Variants in AVEN observed in about 807,000 individuals in gnomAD.
AVEN encodes the protein apoptosis and caspase activation inhibitor, also known as cell death regulator Aven.
Under a neutral mutation model 38.1 loss-of-function variants are expected in AVEN, and 41 were observed. The ratio of observed to expected loss-of-function variants is 1.08; its 90% CI spans 0.84 to 1.40. The LOEUF (loss-of-function observed/expected upper bound fraction) is 1.40. Among genes scored for constraint, AVEN ranks in the 40% most tolerant of loss-of-function variants. The pLI, the probability that AVEN is intolerant of heterozygous loss-of-function variation, is 0.00. For missense variants in AVEN, 605 were observed against 438.8 expected (o/e 1.38, Z -3.38); for synonymous variants, 206 against 171.8 (o/e 1.20, Z -1.56).
At chr15:33,873,094 C>CTTTTTTTTTTTT (rs34223352) in intron 3 of AVEN, among the ~76,000 whole-genome samples, 7 of 85,102 alleles carry the variant, frequency 8.2e-5, no homozygotes, top group Admixed American at 1.6e-4. Flanking sequence ...TTTTCCTTTT[C>CTTTTTTTTTTTT]TTTTTTTTTT....
At chr15:33,956,433 G>T (rs759833015) in intron 2 of AVEN, among the ~76,000 whole-genome samples, 1 of 152,146 alleles carries the variant, frequency 6.6e-6, no homozygotes, top group African/African-American at 2.4e-5. Flanking sequence ...TCTCTCCTAT[G>T]AGTGCATTGA....
intron 5 of AVEN, among the ~76,000 whole-genome samples, chr15:34,057,284 A>G (rs953140884): frequency 4.7e-5 from 7 of 147,396 alleles, no homozygotes; most frequent in Non-Finnish European, 5.9e-5. Flanking sequence ...ATATAGGCAC[A>G]TGCCACCACG....
At chr15:34,038,481 C>T (rs1475758680) in intron 1 of AVEN, among the ~76,000 whole-genome samples, 1 of 152,194 alleles carries the variant, frequency 6.6e-6, no homozygotes, top group African/African-American at 2.4e-5. Context: ...GCAGCCCTGA[C>T]ACACGGCCTT....
chr15:33,861,480 CTTTTTT>C (rs34330524), downstream of AVEN, among the ~76,000 whole-genome samples: 3 of 148,060 alleles, frequency 2.0e-5, no homozygotes, highest in African/African-American at 7.4e-5. Flanking sequence ...TATAAATATG[CTTTTTT>C]TTTTTTAATC....
intron 2 of AVEN, among the ~76,000 whole-genome samples, chr15:33,920,991 G>A (rs891566651): frequency 2.6e-5 from 4 of 152,156 alleles, no homozygotes; most frequent in African/African-American, 9.7e-5. Context: ...GCCCAGGCTA[G>A]TTTGGAACAC....
intron 2 of AVEN, among the ~76,000 whole-genome samples, chr15:33,968,518 C>A (rs908324817): frequency 1.3e-5 from 2 of 152,068 alleles, no homozygotes; most frequent in African/African-American, 2.4e-5. Flanking sequence ...GTACGCTCAC[C>A]GTCCAGAGAC....
intron 5 of AVEN, among the ~76,000 whole-genome samples, chr15:34,053,023 G>C (rs1899985245): frequency 6.6e-6 from 1 of 151,982 alleles, no homozygotes; most frequent in Non-Finnish European, 1.5e-5. Context: ...AACCAGGCCA[G>C]GTGCAGTGGC....
intron 2 of AVEN, among the ~76,000 whole-genome samples, chr15:33,946,108 T>C (rs1894501021): frequency 6.6e-6 from 1 of 152,154 alleles, no homozygotes; most frequent in Admixed American, 6.5e-5. Flanking sequence ...AGGGCCCAGC[T>C]TCTGGTTAAA....
intron 2 of AVEN, 48 bp downstream of exon 2, chr15:34,002,984 T>C (rs760876676): frequency 6.8e-7 from 1 of 1,469,058 alleles, no homozygotes; most frequent in African/African-American, 1.4e-5. Flanking sequence ...AAAATGTCTG[T>C]GCAACTTTCA....
At chr15:33,942,513 C>T (rs901220545) in intron 2 of AVEN, among the ~76,000 whole-genome samples, 7 of 151,662 alleles carry the variant, frequency 4.6e-5, no homozygotes, top group South Asian at 4.2e-4. Flanking sequence ...TGCAGTGGTG[C>T]GATCTCTGCT....
At chr15:33,874,019 C>T in intron 3 of AVEN, among the ~76,000 whole-genome samples, 1 of 152,054 alleles carries the variant, frequency 6.6e-6, no homozygotes, top group East Asian at 1.9e-4. Context: ...TGCCTCTAAC[C>T]TCTCATCTCA....
intron 1 of AVEN, among the ~76,000 whole-genome samples, chr15:34,004,445 T>G (rs1897255113): frequency 6.6e-6 from 1 of 152,210 alleles, no homozygotes; most frequent in South Asian, 2.1e-4. Flanking sequence ...TCAGTTGTAA[T>G]GTAGGGAACT....
chr15:33,996,946 G>A (rs932164521), intron 2 of AVEN, among the ~76,000 whole-genome samples: 4 of 152,154 alleles, frequency 2.6e-5, no homozygotes. Flanking sequence ...TCGCAAGGAA[G>A]CTAAAAAGCT....
At chr15:33,866,792 C>A in intron 5 of AVEN, 64 bp from the exon 6 acceptor site, 1 of 1,177,406 alleles carries the variant, frequency 8.5e-7, no homozygotes, top group East Asian at 2.3e-5. Flanking sequence ...TATAATTCAG[C>A]CCAATTTATT....
At chr15:33,877,567 C>G (rs746358923) in intron 2 of AVEN, among the ~76,000 whole-genome samples, 4 of 152,264 alleles carry the variant, frequency 2.6e-5, no homozygotes, top group Admixed American at 6.5e-5. Context: ...ACAATCCCAG[C>G]ACTTCGGGAA....
At chr15:33,983,200 G>GTATATA (rs769965010) in intron 2 of AVEN, among the ~76,000 whole-genome samples, 1 of 63,920 alleles carries the variant, frequency 1.6e-5, no homozygotes, top group East Asian at 4.4e-4. Flanking sequence ...GTATGTGTGT[G>GTATATA]TATATATATA....
downstream of AVEN, among the ~76,000 whole-genome samples, chr15:33,863,638 C>T (rs1597136443): frequency 1.3e-5 from 2 of 152,112 alleles, no homozygotes; most frequent in Admixed American, 6.5e-5. Context: ...CTGGCATTCC[C>T]GCAGCTATTT....
chr15:33,919,453 C>T (rs1464819704), intron 2 of AVEN, among the ~76,000 whole-genome samples: 2 of 152,104 alleles, frequency 1.3e-5, no homozygotes, highest in Non-Finnish European at 2.9e-5. Context: ...ATCTGAAGGG[C>T]TTATTAAAAG....
At chr15:33,871,074 A>G (rs1890927553) in intron 3 of AVEN, 44 bp from the exon 4 acceptor site, 2 of 1,224,996 alleles carry the variant, frequency 1.6e-6, no homozygotes, top group African/African-American at 1.6e-5. Context: ...GGTGATGATT[A>G]TGACCTTTTG....
Sources: allele counts gnomAD v4.1 joint callset (sites outside exome capture counted in the v4.1 genomes callset), GRCh38; gene constraint gnomAD v4.1.1; transcripts MANE v1.5; gene names NCBI Gene and HGNC (gene_info 2026-07-23, HGNC 2026-07-21).